MID1: variants seen among roughly 807,000 people sequenced by gnomAD.
The protein encoded by MID1 is midline 1.
In MID1, 7 loss-of-function variants were observed where a neutral mutation model predicts 40.4. The ratio of observed to expected loss-of-function variants is 0.17; its 90% CI spans 0.10 to 0.33. The LOEUF (loss-of-function observed/expected upper bound fraction) is 0.33, where lower values mean the gene tolerates loss of function less well. Ranked by LOEUF, MID1 falls within the 10% of genes least tolerant of loss-of-function variation. The pLI is 1.00. For missense variants in MID1, 367 were observed against 558.5 expected (o/e 0.66, Z 3.46); for synonymous variants, 229 against 221.2 (o/e 1.04, Z -0.31).
chrX:10,558,692 G>T (rs1029459845), intron 2 of MID1, among the ~76,000 whole-genome samples: 1 of 112,846 alleles, frequency 8.9e-6, no homozygotes, highest in Non-Finnish European at 1.9e-5. Context: ...CAGGCTTTCT[G>T]TAGGCCAGGC....
intron 1 of MID1, among the ~76,000 whole-genome samples, chrX:10,798,464 T>C (rs930782808): frequency 8.9e-6 from 1 of 112,269 alleles, no homozygotes; most frequent in Non-Finnish European, 1.9e-5. Flanking sequence ...TTAACTGTTA[T>C]TGATTCAAGT....
intron 1 of MID1, among the ~76,000 whole-genome samples, chrX:10,719,408 C>A (rs1434493738): frequency 2.2e-4 from 24 of 110,755 alleles, no homozygotes; most frequent in South Asian, 7.7e-4. Context: ...CAATAACAGA[C>A]AAACAGAGAG....
intron 1 of MID1, chrX:10,576,996 C>T (rs1336263827): frequency 2.7e-5 from 3 of 111,322 alleles, no homozygotes; most frequent in African/African-American, 9.8e-5. Context: ...ATCCACTCCG[C>T]CAGGGTTGCC....
chrX:10,643,671 C>G (rs1266615036), intron 1 of MID1, among the ~76,000 whole-genome samples: 1 of 109,119 alleles, frequency 9.2e-6, no homozygotes, highest in Non-Finnish European at 1.9e-5. Flanking sequence ...ACCCAAAGGA[C>G]TATAAATCAT....
chrX:10,805,217 C>T, intron 1 of MID1, among the ~76,000 whole-genome samples: 1 of 88,410 alleles, frequency 1.1e-5, no homozygotes, highest in African/African-American at 4.2e-5. Context: ...CTATCGCTCC[C>T]CCCTCCCCCC....
intron 1 of MID1, among the ~76,000 whole-genome samples, chrX:10,810,799 G>A (rs781373962): frequency 2.0e-4 from 22 of 109,026 alleles, no homozygotes; most frequent in African/African-American, 7.0e-4. Flanking sequence ...CCTTTAAAAT[G>A]CTTTTTTCTA....
At chrX:10,504,084 A>G (rs1245871621) in intron 3 of MID1, among the ~76,000 whole-genome samples, 5 of 111,697 alleles carry the variant, frequency 4.5e-5, no homozygotes, top group African/African-American at 1.6e-4. Context: ...ATTTAGAGGG[A>G]GCAAGGGCTA....
chrX:10,531,165 G>A (rs1224518523), intron 2 of MID1, among the ~76,000 whole-genome samples: 1 of 111,178 alleles, frequency 9.0e-6, no homozygotes, highest in Admixed American at 9.6e-5. Flanking sequence ...CAAGTGCCAC[G>A]ACCCATATAT....
chrX:10,518,969 T>G, intron 3 of MID1, among the ~76,000 whole-genome samples: 1 of 112,610 alleles, frequency 8.9e-6, no homozygotes, highest in Middle Eastern at 4.7e-3. Context: ...CTTCAATTTA[T>G]CTATCATTTG....
chrX:10,689,935 T>C (rs982908244), intron 1 of MID1, among the ~76,000 whole-genome samples: 10 of 110,858 alleles, frequency 9.0e-5, no homozygotes, highest in East Asian at 2.8e-4. Flanking sequence ...AAAAGACAAG[T>C]ACTCTTTATA....
intron 1 of MID1, among the ~76,000 whole-genome samples, chrX:10,641,592 G>A (rs751106815): frequency 2.7e-5 from 3 of 111,928 alleles, no homozygotes; most frequent in East Asian, 5.6e-4. Context: ...GAGGTACAAA[G>A]AGGAGCTAGT....
At chrX:10,511,514 G>A (rs1341372855) in intron 3 of MID1, among the ~76,000 whole-genome samples, 5 of 111,304 alleles carry the variant, frequency 4.5e-5, no homozygotes, top group Non-Finnish European at 7.5e-5. Context: ...CTCCTGAGTA[G>A]CTAGGACTAC....
chrX:10,670,348 C>T (rs1024738444), intron 1 of MID1, among the ~76,000 whole-genome samples: 13 of 111,473 alleles, frequency 1.2e-4, no homozygotes, highest in African/African-American at 3.6e-4. Flanking sequence ...TACCACAGTG[C>T]TTTTTAAAGC....
chrX:10,652,608 C>T (rs1936327948), intron 1 of MID1, among the ~76,000 whole-genome samples: 1 of 111,513 alleles, frequency 9.0e-6, no homozygotes, highest in Non-Finnish European at 1.9e-5. Context: ...TCCCATTTCA[C>T]AAGAGTAAAA....
intron 2 of MID1, among the ~76,000 whole-genome samples, chrX:10,566,532 C>CCTCTCTCTCTCTCTCTCTCTCTCT (rs773613255): frequency 5.7e-5 from 3 of 52,877 alleles, no homozygotes; most frequent in African/African-American, 1.8e-4. Context: ...CCTCTCTCTC[C>CCTCTCTCTCTCTCTCTCTCTCTCT]CTCTCTCTCT....
At chrX:10,584,141 A>T (rs1210325760) in intron 1 of MID1, among the ~76,000 whole-genome samples, 2 of 111,502 alleles carry the variant, frequency 1.8e-5, no homozygotes, top group Non-Finnish European at 3.8e-5. Flanking sequence ...ATGTCCTCAC[A>T]TGGCAAAAGA....
intron 1 of MID1, among the ~76,000 whole-genome samples, chrX:10,719,719 A>C (rs1410313379): frequency 1.8e-5 from 2 of 111,333 alleles, no homozygotes; most frequent in Non-Finnish European, 3.8e-5. Context: ...TATGGAACCA[A>C]AAAAGAGCCC....
intron 1 of MID1, among the ~76,000 whole-genome samples, chrX:10,823,329 TGG>T (rs1466483592): frequency 0.01 from 1,104 of 109,507 alleles, 10 homozygotes; most frequent in African/African-American, 0.035. Flanking sequence ...GTTGGGGAGG[TGG>T]GGGGATGGAG....
chrX:10,804,530 C>A (rs1420924076), intron 1 of MID1, among the ~76,000 whole-genome samples: 1 of 111,851 alleles, frequency 8.9e-6, no homozygotes, highest in African/African-American at 3.2e-5. Context: ...TGTATCTTTA[C>A]GTTTCCCTAG....
Sources: allele counts gnomAD v4.1 joint callset (sites outside exome capture counted in the v4.1 genomes callset), GRCh38; gene constraint gnomAD v4.1.1; transcripts MANE v1.5; gene names NCBI Gene and HGNC (gene_info 2026-07-23, HGNC 2026-07-21).